CRPPA: variants seen among roughly 807,000 people sequenced by gnomAD.
The protein encoded by CRPPA is CDP-L-ribitol pyrophosphorylase A.
CRPPA carries 43 observed loss-of-function variants against 52.0 expected under a neutral mutation model. That is an observed-to-expected ratio of 0.83 (90% CI 0.65 to 1.07). The LOEUF (loss-of-function observed/expected upper bound fraction) is 1.07. Among genes scored for constraint, CRPPA ranks in the 50% least tolerant of loss-of-function variants. The probability of loss-of-function intolerance (pLI) is 0.00; values close to 1 mark genes in which losing one functional copy is unlikely to be tolerated. For missense variants in CRPPA, 629 were observed against 551.7 expected (o/e 1.14, Z -1.40); for synonymous variants, 250 against 203.5 (o/e 1.23, Z -1.94).
intron 9 of CRPPA, among the ~76,000 whole-genome samples, chr7:16,112,241 G>T (rs1487971714): frequency 1.3e-5 from 2 of 152,026 alleles, no homozygotes; most frequent in African/African-American, 4.8e-5. Context: ...CTTAAACCTG[G>T]GAGGCAGAGG....
chr7:16,254,843 A>AAGAAAGAC (rs1562588853), intron 8 of CRPPA, among the ~76,000 whole-genome samples: 1 of 145,642 alleles, frequency 6.9e-6, no homozygotes, highest in African/African-American at 2.5e-5. Flanking sequence ...GAAAGAAAGA[A>AAGAAAGAC]AGAGAAAGAA....
chr7:16,324,731 A>C (rs1428220812), intron 3 of CRPPA, among the ~76,000 whole-genome samples: 3 of 152,350 alleles, frequency 2.0e-5, no homozygotes, highest in African/African-American at 4.8e-5. Context: ...TATAAAAGGC[A>C]CTGACAAAAA....
intron 9 of CRPPA, among the ~76,000 whole-genome samples, chr7:16,137,034 A>G (rs561407375): frequency 6.6e-6 from 1 of 152,354 alleles, no homozygotes; most frequent in South Asian, 2.1e-4. Flanking sequence ...TAATATTTCA[A>G]CCTTTTTGAT....
intron 9 of CRPPA, among the ~76,000 whole-genome samples, chr7:16,093,153 T>A (rs921991744): frequency 1.3e-5 from 2 of 152,192 alleles, no homozygotes; most frequent in Admixed American, 1.3e-4. Context: ...GATGATGCAT[T>A]TTTTGATGTA....
At chr7:16,361,135 G>A (rs367858015) in intron 3 of CRPPA, among the ~76,000 whole-genome samples, 7 of 152,244 alleles carry the variant, frequency 4.6e-5, no homozygotes, top group African/African-American at 1.7e-4. Context: ...AATCATTAGA[G>A]AAATGCAAAT....
chr7:16,393,266 T>C (rs896644501), intron 2 of CRPPA, among the ~76,000 whole-genome samples: 5 of 152,076 alleles, frequency 3.3e-5, no homozygotes, highest in African/African-American at 7.2e-5. Flanking sequence ...AATATTAATA[T>C]AAGAAAATTA....
chr7:16,410,263 T>C (rs942383769), intron 1 of CRPPA, among the ~76,000 whole-genome samples: 1 of 152,182 alleles, frequency 6.6e-6, no homozygotes, highest in South Asian at 2.1e-4. Flanking sequence ...GAACAATCTG[T>C]AGTAAACTGT....
At chr7:16,377,729 T>G (rs777982850) in intron 2 of CRPPA, among the ~76,000 whole-genome samples, 119 of 152,328 alleles carry the variant, frequency 7.8e-4, no homozygotes, top group Non-Finnish European at 1.6e-3. Flanking sequence ...ATGGATGCTC[T>G]ACTCAGAGTA....
chr7:16,317,870 T>A (rs569216767), intron 3 of CRPPA, among the ~76,000 whole-genome samples: 1 of 152,294 alleles, frequency 6.6e-6, no homozygotes, highest in African/African-American at 2.4e-5. Context: ...CAACAGAGTA[T>A]CAAAGTTCTC....
intron 8 of CRPPA, among the ~76,000 whole-genome samples, chr7:16,232,680 C>A (rs1562573801): frequency 6.6e-6 from 1 of 151,994 alleles, no homozygotes; most frequent in South Asian, 2.1e-4. Flanking sequence ...ACTAAATATA[C>A]TAGTCCTGCT....
At chr7:16,180,834 A>G (rs1781398006) in intron 9 of CRPPA, among the ~76,000 whole-genome samples, 2 of 152,116 alleles carry the variant, frequency 1.3e-5, no homozygotes, top group Admixed American at 1.3e-4. Context: ...CGAAACATTC[A>G]TAAAACTAAT....
chr7:16,377,505 T>C (rs1786926019), intron 2 of CRPPA, among the ~76,000 whole-genome samples: 3 of 152,200 alleles, frequency 2.0e-5, no homozygotes, highest in Non-Finnish European at 4.4e-5. Flanking sequence ...ACATCCAAAA[T>C]GCCAATGCAA....
At chr7:16,307,945 T>C (rs1435110445) in intron 4 of CRPPA, among the ~76,000 whole-genome samples, 1 of 147,798 alleles carries the variant, frequency 6.8e-6, no homozygotes, top group Non-Finnish European at 1.5e-5. Context: ...GCTATTGATA[T>C]GGTTTGGATC....
chr7:16,208,979 G>C, intron 9 of CRPPA: 1 of 419,242 alleles, frequency 2.4e-6, no homozygotes. Flanking sequence ...CAAATTTTCT[G>C]TGAGAAGTGT....
At chr7:16,388,731 C>G (rs1473553097) in intron 2 of CRPPA, among the ~76,000 whole-genome samples, 1 of 151,998 alleles carries the variant, frequency 6.6e-6, no homozygotes, top group African/African-American at 2.4e-5. Context: ...AAAAAATTAG[C>G]CAGGCATGGT....
At chr7:16,389,880 G>A (rs1787389163) in intron 2 of CRPPA, among the ~76,000 whole-genome samples, 1 of 107,598 alleles carries the variant, frequency 9.3e-6, no homozygotes, top group Non-Finnish European at 1.8e-5. Flanking sequence ...GAAGCGAGTT[G>A]TCAGCAAGGA....
At chr7:16,248,664 T>G (rs1270629702) in intron 8 of CRPPA, among the ~76,000 whole-genome samples, 2 of 152,148 alleles carry the variant, frequency 1.3e-5, no homozygotes, top group African/African-American at 4.8e-5. Flanking sequence ...AGGCAGGTGA[T>G]TTCTGCACTT....
chr7:16,329,662 G>A (rs1288303901), intron 3 of CRPPA, among the ~76,000 whole-genome samples: 1 of 152,150 alleles, frequency 6.6e-6, no homozygotes, highest in Non-Finnish European at 1.5e-5. Context: ...TCAGTAAATT[G>A]CAGTTACAAT....
chr7:16,215,920 C>G, intron 9 of CRPPA, 146 bp downstream of exon 9: 1 of 523,604 alleles, frequency 1.9e-6, no homozygotes, highest in Non-Finnish European at 3.2e-6. Flanking sequence ...GCAAGAGGTT[C>G]TACTATTATA....
Sources: allele counts gnomAD v4.1 joint callset (sites outside exome capture counted in the v4.1 genomes callset), GRCh38; gene constraint gnomAD v4.1.1; transcripts MANE v1.5; gene names NCBI Gene and HGNC (gene_info 2026-07-23, HGNC 2026-07-21).